The following PCDH15 variants were observed in gnomAD, a reference collection of about 807,000 sequenced individuals.
PCDH15 encodes the protein protocadherin related 15, also known as protocadherin-15.
A neutral mutation model predicts 178.5 loss-of-function variants in PCDH15; 129 were observed. The ratio of observed to expected loss-of-function variants is 0.72; its 90% CI spans 0.63 to 0.84. The LOEUF is 0.84. Among genes scored for constraint, PCDH15 ranks in the 40% least tolerant of loss-of-function variants. PCDH15 has a pLI of 0.00. For synonymous variants in PCDH15, 800 were observed against 732.0 expected (o/e 1.09, Z -1.50); for missense variants, 2,230 against 2,099.9 (o/e 1.06, Z -1.21).
chr10:54,707,192 C>G (rs943392326), intron 1 of PCDH15, among the ~76,000 whole-genome samples: 1 of 152,116 alleles, frequency 6.6e-6, no homozygotes, highest in African/African-American at 2.4e-5. Context: ...CTTGCCTGAT[C>G]AGCCCCAAAG....
At chr10:54,980,830 C>G (rs1479267345) in intron 2 of PCDH15, among the ~76,000 whole-genome samples, 1 of 151,656 alleles carries the variant, frequency 6.6e-6, no homozygotes, top group Non-Finnish European at 1.5e-5. Context: ...CCGTGGCATA[C>G]CATAAGGCTC....
At chr10:54,820,770 G>C (rs1015565221) in intron 3 of PCDH15, among the ~76,000 whole-genome samples, 3 of 151,916 alleles carry the variant, frequency 2.0e-5, no homozygotes, top group Non-Finnish European at 4.4e-5. Context: ...ATCCACATTT[G>C]TCTTTAAAGC....
chr10:55,223,851 G>A (rs1419438377), intron 1 of PCDH15, among the ~76,000 whole-genome samples: 1 of 152,106 alleles, frequency 6.6e-6, no homozygotes, highest in Admixed American at 6.6e-5. Context: ...ATTAATCCTT[G>A]ATAAAGTTTC....
chr10:53,928,599 G>A (rs1426306742), intron 25 of PCDH15, among the ~76,000 whole-genome samples: 1 of 151,992 alleles, frequency 6.6e-6, no homozygotes, highest in Non-Finnish European at 1.5e-5. Context: ...TGCAAAGGTT[G>A]TTATTTCTGT....
At chr10:54,314,862 A>T (rs11004220) in intron 8 of PCDH15, among the ~76,000 whole-genome samples, 68,503 of 151,928 alleles carry the variant, frequency 0.45, 16,162 homozygotes, top group Middle Eastern at 0.6. Context: ...GCAAAAGACA[A>T]GACCTCATTA....
chr10:55,168,771 A>C (rs1467941850), intron 1 of PCDH15, among the ~76,000 whole-genome samples: 1 of 152,186 alleles, frequency 6.6e-6, no homozygotes, highest in Non-Finnish European at 1.5e-5. Flanking sequence ...AGTATATGTA[A>C]TTATGATTAT....
Position 53,806,659 on chromosome 10 carries a change from T to C in PCDH15, c.5143A>G (p.Ser1715Gly). 1.9e-6 allele frequency: 3 copies of C among 1,613,874 alleles called. No homozygotes were observed. Among genetic ancestry groups the C allele is most frequent in the Non-Finnish European group, 2.5e-6 (3 of 1,179,786 alleles). ...TCATCATCAGACTGTGTGTGGTCAC[T>C]ATGAAATTCCAAAGCCTCCTTGATG... Reference protein sequence around the residue: ...KNIKEALEFHSDHTQSDDEEL... With the variant: ...KNIKEALEFHGDHTQSDDEEL... Residue 1715 changes from serine (S) to glycine (G), a missense_variant, in exon 38 of 38, where the codon AGT becomes GGT. Coordinates refer to ENST00000644397, the MANE Select transcript of PCDH15 (RefSeq NM_001384140.1).
chr10:54,621,068 T>A (rs2093336175), intron 2 of PCDH15, among the ~76,000 whole-genome samples: 1 of 151,970 alleles, frequency 6.6e-6, no homozygotes, highest in Non-Finnish European at 1.5e-5. Flanking sequence ...TGGAGAAAAT[T>A]ATTTTTCATT....
intron 2 of PCDH15, among the ~76,000 whole-genome samples, chr10:54,660,401 C>A (rs1465221993): frequency 2.0e-5 from 3 of 151,810 alleles, no homozygotes; most frequent in Non-Finnish European, 4.4e-5. Context: ...TATAACCAGC[C>A]AAGATTGAAC....
chr10:54,571,333 G>GAAAAAAAAAAAAAAAAAAA (rs60604711), intron 2 of PCDH15, among the ~76,000 whole-genome samples: 1 of 128,574 alleles, frequency 7.8e-6, no homozygotes, highest in Non-Finnish European at 1.6e-5. Flanking sequence ...GACAAAATTT[G>GAAAAAAAAAAAAAAAAAAA]AAAAAAAAAA....
intron 2 of PCDH15, among the ~76,000 whole-genome samples, chr10:55,510,450 C>G (rs1156485730): frequency 1.3e-5 from 2 of 151,972 alleles, no homozygotes; most frequent in South Asian, 2.1e-4. Context: ...TGTAAAGTCA[C>G]TAGCTAACGT....
At chr10:55,290,990 G>A (rs2132268027) in intron 1 of PCDH15, among the ~76,000 whole-genome samples, 1 of 152,226 alleles carries the variant, frequency 6.6e-6, no homozygotes, top group South Asian at 2.1e-4. Flanking sequence ...TTAGCCAAAT[G>A]TGTAAGTAGT....
At chr10:55,471,482 A>C (rs750305057) in intron 2 of PCDH15, among the ~76,000 whole-genome samples, 9 of 152,198 alleles carry the variant, frequency 5.9e-5, no homozygotes, top group Non-Finnish European at 1.3e-4. Flanking sequence ...TAATTGTTAA[A>C]GAGTTTTCAT....
chr10:54,062,240 A>C lies in PCDH15; in HGVS notation c.2220+4517T>G, dbSNP rs1417231312. ...GAGATTCTGTCTCAAAAAAAAAAAA[A>C]AAAAAAAAAAAACAAAAAACAACTA... On this transcript the variant is annotated intron_variant, in intron 18 of 37. Coordinates refer to ENST00000644397, the MANE Select transcript of PCDH15 (RefSeq NM_001384140.1). 2.1e-5 allele frequency among the ~76,000 whole-genome samples: 3 copies of C among 142,912 alleles called. 1 individual carries two copies. Among genetic ancestry groups the C allele is most frequent in the South Asian group, 4.3e-4 (2 of 4,604 alleles). 93.8% of individuals were successfully genotyped at this position (142,912 alleles called of 152,430 possible). A position where few individuals can be genotyped will look rare whatever the true frequency, so the allele number is the denominator to read the frequency against.
chr10:55,607,249 T>C (rs1465771262), intron 2 of PCDH15, among the ~76,000 whole-genome samples: 55 of 151,500 alleles, frequency 3.6e-4, no homozygotes, highest in East Asian at 2.5e-3. Context: ...CAGGAAACAA[T>C]AGGTGCTGGA....
At chr10:53,969,187 T>G (rs7476989) in intron 21 of PCDH15, among the ~76,000 whole-genome samples, 1 of 151,482 alleles carries the variant, frequency 6.6e-6, no homozygotes, top group Non-Finnish European at 1.5e-5. Context: ...CTGAAAACCA[T>G]GGCACGAGAA....
chr10:55,086,818 A>C (rs1842181984), intron 2 of PCDH15, among the ~76,000 whole-genome samples: 1 of 152,084 alleles, frequency 6.6e-6, no homozygotes, highest in African/African-American at 2.4e-5. Flanking sequence ...TTTGATATTT[A>C]GATGGTTGTA....
At chr10:55,235,914 A>AG (rs1268460407) in intron 1 of PCDH15, among the ~76,000 whole-genome samples, 1 of 47,458 alleles carries the variant, frequency 2.1e-5, no homozygotes, top group East Asian at 4.4e-4. Flanking sequence ...GTCAAAAAAA[A>AG]AAAAAAAAAA....
At chr10:55,135,574 C>CTTTT (rs56956557) in intron 2 of PCDH15, among the ~76,000 whole-genome samples, 55 of 68,242 alleles carry the variant, frequency 8.1e-4, no homozygotes, top group Admixed American at 1.2e-3. Flanking sequence ...TCTTTTCTTT[C>CTTTT]TTTTTTTTTT....
Sources: gnomAD v4.1 joint callset for allele counts (sites outside exome capture counted in the v4.1 genomes callset) on GRCh38, gnomAD v4.1.1 for gene constraint, MANE v1.5 for transcripts, NCBI Gene and HGNC (gene_info 2026-07-23, HGNC 2026-07-21) for gene names.